Variants in FBXW10 observed in about 807,000 individuals in gnomAD.
FBXW10 encodes the protein F-box and WD repeat domain containing 10.
Under a neutral mutation model 113.1 loss-of-function variants are expected in FBXW10, and 68 were observed. The ratio of observed to expected loss-of-function variants is 0.60; its 90% CI spans 0.49 to 0.74. FBXW10 has a LOEUF of 0.74. FBXW10 is among the 30% of genes least tolerant of loss of function. FBXW10 has a pLI of 0.00. For synonymous variants in FBXW10, 289 were observed against 481.6 expected (o/e 0.60, Z 5.24); for missense variants, 753 against 1,284.5 (o/e 0.59, Z 6.32).
intron 8 of FBXW10, among the ~76,000 whole-genome samples, chr17:18,765,242 A>G (rs1275395308): frequency 6.6e-6 from 1 of 152,242 alleles, no homozygotes; most frequent in African/African-American, 2.4e-5. Flanking sequence ...TTTACTGAGT[A>G]CCAGTTTTGT....
intron 13 of FBXW10, among the ~76,000 whole-genome samples, chr17:18,776,521 A>G (rs1205385498): frequency 2.6e-5 from 4 of 152,228 alleles, no homozygotes; most frequent in African/African-American, 9.6e-5. Flanking sequence ...TGCGCTAACA[A>G]TGGGCATCCT....
Position 18,758,319 on chromosome 17 carries a change from G to A in FBXW10, c.1247G>A (p.Arg416Gln), listed in dbSNP as rs376791823. ...CTGGCACTCAGGTGGGATCAAAACC[G>A]AGTCATCCACTATTCCGGGGGAGAT... The part of the protein sequence containing the change: ...RILSDTWDQN[R>Q]VIHYSGGDLI... The change falls in exon 7 of 14, where the codon CGA (arginine) becomes CAA (glutamine). Residue 416 changes from arginine to glutamine, a missense_variant. Transcript: ENST00000395665. The A allele has an allele frequency of 3.2e-5, 50 of 1,583,350 alleles. 1 individual carries two copies. The highest frequency in any genetic ancestry group is 3.4e-5 in the Non-Finnish European group (40 of 1,160,528).
chr17:18,746,690 C>T (rs2035043495), intron 1 of FBXW10, among the ~76,000 whole-genome samples: 2 of 152,116 alleles, frequency 1.3e-5, no homozygotes, highest in African/African-American at 4.8e-5. Flanking sequence ...AGACCAAAGT[C>T]CAGGGCATCT....
chr17:18,755,094 C>T (rs562094513), intron 5 of FBXW10, among the ~76,000 whole-genome samples: 2 of 151,772 alleles, frequency 1.3e-5, no homozygotes, highest in East Asian at 1.9e-4. Flanking sequence ...GAAACTCCGT[C>T]GCTGCTAAAA....
At chr17:18,765,421 A>G (rs1033407228) in intron 8 of FBXW10, among the ~76,000 whole-genome samples, 2 of 152,234 alleles carry the variant, frequency 1.3e-5, no homozygotes, top group African/African-American at 4.8e-5. Flanking sequence ...CAGACTCCCT[A>G]GGTCCAAATC....
chr17:18,749,641 G>A, intron 2 of FBXW10, 81 bp from the exon 3 acceptor site: 2 of 1,599,492 alleles, frequency 1.3e-6, no homozygotes, highest in Non-Finnish European at 1.7e-6. Flanking sequence ...TTCTGGGAGA[G>A]CTTTTGGTGG....
intron 5 of FBXW10, among the ~76,000 whole-genome samples, chr17:18,754,987 G>T (rs140734253): frequency 5.3e-5 from 8 of 152,134 alleles, no homozygotes; most frequent in African/African-American, 1.9e-4. Context: ...TGCAGGCTGG[G>T]CGTGGTGGCT....
chr17:18,745,656 C>T (rs1207837043), intron 1 of FBXW10, among the ~76,000 whole-genome samples: 7 of 152,100 alleles, frequency 4.6e-5, no homozygotes, highest in Non-Finnish European at 7.4e-5. Context: ...CCTCGTGATC[C>T]GCCTGCCTCG....
chr17:18,762,318 CTT>C (rs879044366), intron 7 of FBXW10, among the ~76,000 whole-genome samples: 21 of 136,640 alleles, frequency 1.5e-4, no homozygotes, highest in Admixed American at 1.5e-4. Context: ...AATATATTAT[CTT>C]TTTTTTTTTT....
At chr17:18,753,960 C>T (rs1420740204) in intron 5 of FBXW10, among the ~76,000 whole-genome samples, 1 of 152,080 alleles carries the variant, frequency 6.6e-6, no homozygotes, top group Admixed American at 6.6e-5. Flanking sequence ...AATAGCAAGA[C>T]TAAGCAGTTA....
intron 7 of FBXW10, among the ~76,000 whole-genome samples, chr17:18,763,591 T>G (rs1410944330): frequency 2.1e-3 from 321 of 151,408 alleles, no homozygotes; most frequent in African/African-American, 7.6e-3. Flanking sequence ...TCCAGAACCA[T>G]TATCTCAGCA....
At chr17:18,758,785 A>G (rs977901772) in intron 7 of FBXW10, among the ~76,000 whole-genome samples, 1 of 146,582 alleles carries the variant, frequency 6.8e-6, no homozygotes, top group African/African-American at 2.5e-5. Flanking sequence ...AGAGGAAGAA[A>G]TAATTTACAT....
chr17:18,770,306 C>CTTT (rs60946049), intron 11 of FBXW10, among the ~76,000 whole-genome samples: 6 of 136,664 alleles, frequency 4.4e-5, no homozygotes, highest in Admixed American at 7.4e-5. Flanking sequence ...TTCATTTTGA[C>CTTT]TTTTTTTTTT....
chr17:18,772,682 A>G lies in FBXW10; in HGVS notation c.2277A>G (p.Ser759=). ...RVLLKPAKFS[S]AVLIEELQSQ... is the part of the protein sequence containing the mutation. Reference sequence around the variant, plus strand: ...TCCTGAAGCCGGCCAAGTTCTCTTCAGGTAAAAAACTGAAATACCAGCAAG... The same window carrying G: ...TCCTGAAGCCGGCCAAGTTCTCTTCGGGTAAAAAACTGAAATACCAGCAAG... The change falls in exon 12 of 14, where the codon TCA becomes TCG. Residue 759 remains serine (S), a splice_region_variant and synonymous_variant. Coordinates refer to ENST00000395665, the MANE Select transcript of FBXW10 (RefSeq NM_001267585.2). 6.2e-7 allele frequency: 1 copy of G among 1,607,342 alleles called. No homozygotes were observed. The highest frequency in any genetic ancestry group is 8.5e-7 in the Non-Finnish European group (1 of 1,177,844).
chr17:18,777,292 G>A (rs2035720574), intron 13 of FBXW10, among the ~76,000 whole-genome samples: 2 of 151,858 alleles, frequency 1.3e-5, no homozygotes, highest in South Asian at 4.2e-4. Flanking sequence ...TCGAACTCCC[G>A]ACCTCAGGTG....
Position 18,756,151 on chromosome 17 carries a change from A to G in FBXW10, c.1229A>G (p.Asp410Gly), listed in dbSNP as rs745827822. Reference protein sequence around the residue: ...CGTYNVRILSDTWDQNRVIHY... With the variant: ...CGTYNVRILSGTWDQNRVIHY... ...ACCTACAATGTTCGCATTCTCTCTG[A>G]CACGTAGGTACTGGGGTCAGAATCT... is the stretch of plus-strand genomic sequence containing the variant. The change falls in exon 6 of 14, where the codon GAC becomes GGC. Residue 410 changes from aspartate (D) to glycine (G), a missense_variant. Coordinates refer to ENST00000395665, the MANE Select transcript of FBXW10 (RefSeq NM_001267585.2). 16 of 1,613,142 alleles carry G rather than the reference A, an allele frequency of 9.9e-6. No homozygotes were observed. The Middle Eastern group carries it at 4.9e-4, about 50-fold the overall frequency.
At chr17:18,747,919 G>T (rs1305605763) in intron 1 of FBXW10, 22 bp from the exon 2 acceptor site, 2 of 1,613,632 alleles carry the variant, frequency 1.2e-6, no homozygotes, top group African/African-American at 2.7e-5. Flanking sequence ...GAGCAACCTT[G>T]TCTTGGTCTT....
chr17:18,748,835 G>A (rs1352124120), intron 2 of FBXW10, among the ~76,000 whole-genome samples: 1 of 152,124 alleles, frequency 6.6e-6, no homozygotes, highest in Non-Finnish European at 1.5e-5. Context: ...TTGCAGTATT[G>A]GATTCAGTCT....
chr17:18,769,759 A>G, intron 10 of FBXW10, 168 bp from the exon 11 acceptor site: 1 of 752,918 alleles, frequency 1.3e-6, no homozygotes. Context: ...CCTGGGCAAC[A>G]AGAGTGAAAC....
Sources: allele counts gnomAD v4.1 joint callset (sites outside exome capture counted in the v4.1 genomes callset), GRCh38; gene constraint gnomAD v4.1.1; transcripts MANE v1.5; gene names NCBI Gene and HGNC (gene_info 2026-07-23, HGNC 2026-07-21).